Variants in MCF2 observed in about 807,000 individuals in gnomAD.
The protein encoded by MCF2 is MCF.2 cell line derived transforming sequence.
MCF2 carries 44 observed loss-of-function variants against 82.5 expected under a neutral mutation model. The ratio of observed to expected loss-of-function variants is 0.53; its 90% CI spans 0.42 to 0.69. The LOEUF (loss-of-function observed/expected upper bound fraction) is 0.69, where lower values mean the gene tolerates loss of function less well. MCF2 is among the 30% of genes least tolerant of loss of function. MCF2 has a pLI of 0.00. For synonymous variants in MCF2, 217 were observed against 224.9 expected (o/e 0.96, Z 0.32); for missense variants, 623 against 663.1 (o/e 0.94, Z 0.66).
chrX:139,633,029 G>A (rs906826416), intron 1 of MCF2, among the ~76,000 whole-genome samples: 1 of 111,811 alleles, frequency 8.9e-6, no homozygotes, highest in African/African-American at 3.3e-5. Flanking sequence ...CAACTGCAGA[G>A]TCCATTACTA....
intron 16 of MCF2, among the ~76,000 whole-genome samples, chrX:139,601,677 C>T: frequency 9.0e-6 from 1 of 111,059 alleles, no homozygotes; most frequent in African/African-American, 3.3e-5. Flanking sequence ...AGAGCCTATG[C>T]AATAGACAGG....
chrX:139,666,847 A>C (rs187367971), intron 1 of MCF2, among the ~76,000 whole-genome samples: 12 of 111,709 alleles, frequency 1.1e-4, no homozygotes, highest in African/African-American at 3.9e-4. Context: ...CTGATAATTC[A>C]TATGTTCAGT....
chrX:139,603,548 C>T (rs1352898240), intron 15 of MCF2, among the ~76,000 whole-genome samples: 1 of 112,402 alleles, frequency 8.9e-6, no homozygotes, highest in African/African-American at 3.2e-5. Flanking sequence ...AAAGTTAGAA[C>T]ATCTTAGCCG....
intron 1 of MCF2, chrX:139,691,835 C>G (rs1935274159): frequency 2.4e-6 from 2 of 829,591 alleles, no homozygotes; most frequent in South Asian, 2.3e-5. Context: ...AAAAGCCGGC[C>G]GGGCTGGGGA....
exon 24 of MCF2, chrX:139,585,075 C>T: frequency 8.5e-7 from 1 of 1,176,778 alleles, no homozygotes; most frequent in Non-Finnish European, 1.2e-6. Context: ...CCATGAGGGG[C>T]CTATTTTCTT....
chrX:139,659,099 C>A (rs1191172915), intron 1 of MCF2, among the ~76,000 whole-genome samples: 2 of 110,742 alleles, frequency 1.8e-5, no homozygotes, highest in South Asian at 3.8e-4. Flanking sequence ...ACTATCCTGG[C>A]CAACATGGTG....
At chrX:139,616,608 A>G (rs1294221232) in intron 8 of MCF2, 135 bp from the exon 12 acceptor site, 1 of 340,032 alleles carries the variant, frequency 2.9e-6, no homozygotes, top group East Asian at 4.4e-5. Flanking sequence ...AAAAAAAAAA[A>G]AGATATCTGG....
intron 6 of MCF2, among the ~76,000 whole-genome samples, chrX:139,623,398 T>C (rs779052818): frequency 3.6e-5 from 4 of 110,787 alleles, no homozygotes; most frequent in Non-Finnish European, 5.7e-5. Flanking sequence ...TATGCAGCCA[T>C]AAAAAAAACA....
intron 12 of MCF2, among the ~76,000 whole-genome samples, chrX:139,606,605 C>T (rs1052901179): frequency 5.4e-5 from 6 of 111,658 alleles, no homozygotes; most frequent in African/African-American, 1.3e-4. Flanking sequence ...GTGATCCGCC[C>T]GCCTGGGCCT....
At chrX:139,621,924 T>C (rs200464622) in intron 6 of MCF2, among the ~76,000 whole-genome samples, 5,137 of 110,137 alleles carry the variant, frequency 0.047, 193 homozygotes, top group African/African-American at 0.11. Context: ...AAAGAAACTA[T>C]CATCAGAGTG....
Position 139,618,028 on chromosome X carries a change from G to A in MCF2, c.808-324C>T, listed in dbSNP as rs374719386. ...TTTTCTCCTAATATGTGTGGATTTA[G>A]AATAGAACCACCTATATTAAATGAG... On this transcript the variant is annotated intron_variant, in intron 7 of 24. Transcript: ENST00000370576. Among the ~76,000 whole-genome samples the A allele has an allele frequency of 2.7e-5, 3 of 110,824 alleles. No individual in the cohort carries two copies. The East Asian group carries it at 8.5e-4, about 31-fold the overall frequency.
At chrX:139,668,583 C>G (rs1934593098) in intron 1 of MCF2, among the ~76,000 whole-genome samples, 1 of 111,534 alleles carries the variant, frequency 9.0e-6, no homozygotes, top group African/African-American at 3.3e-5. Flanking sequence ...CAATCCCGGC[C>G]AAGCAGGCTG....
In MCF2 at chrX:139,616,326, T is replaced by C. The variant is rs750522202; in HGVS notation, c.1147A>G (p.Thr383Ala). The C allele has an allele frequency of 3.9e-5, 45 of 1,166,843 alleles. No homozygotes were observed. In the Middle Eastern group the frequency reaches 7.3e-4, roughly 19 times the overall value. Residue 383 changes from threonine to alanine, a missense_variant, in exon 9 of 25, where the codon ACA (threonine) becomes GCA (alanine). By Grantham distance (58) the Thr-to-Ala change is moderately conservative. Coordinates refer to ENST00000370576, the Ensembl canonical transcript of MCF2. Reference sequence around the variant, plus strand: ...ATTACATCAAATTCATACTGCAGTGTTTCAGGTTCATAATTTATAAAGGGT... The same window carrying C: ...ATTACATCAAATTCATACTGCAGTGCTTCAGGTTCATAATTTATAAAGGGT...
At chrX:139,593,450 C>A (rs946987676) in intron 19 of MCF2, among the ~76,000 whole-genome samples, 6 of 110,834 alleles carry the variant, frequency 5.4e-5, no homozygotes, top group Non-Finnish European at 1.1e-4. Context: ...CGAATTCTAC[C>A]AGAGGTACAA....
At chrX:139,661,097 T>C (rs1404228596) in intron 1 of MCF2, among the ~76,000 whole-genome samples, 1 of 111,888 alleles carries the variant, frequency 8.9e-6, no homozygotes, top group Non-Finnish European at 1.9e-5. Flanking sequence ...ATGAGACATG[T>C]AAGCTGAGCC....
At chrX:139,702,397 G>A (rs1014053847) in intron 1 of MCF2, 2 of 111,629 alleles carry the variant, frequency 1.8e-5, no homozygotes, top group African/African-American at 3.3e-5. Flanking sequence ...GGATCTATTC[G>A]TGTCTTGTTC....
chrX:139,688,010 G>A (rs765534581), intron 1 of MCF2, among the ~76,000 whole-genome samples: 1 of 111,809 alleles, frequency 8.9e-6, no homozygotes, highest in African/African-American at 3.2e-5. Context: ...GGCAATGGAG[G>A]AGGGGGCATG....
intron 1 of MCF2, among the ~76,000 whole-genome samples, chrX:139,655,865 G>A (rs1222180272): frequency 9.0e-6 from 1 of 111,177 alleles, no homozygotes; most frequent in Non-Finnish European, 1.9e-5. Flanking sequence ...TCTTTCTCTT[G>A]CCTAGTTTCT....
intron 1 of MCF2, among the ~76,000 whole-genome samples, chrX:139,637,014 A>G (rs1933263555): frequency 8.9e-6 from 1 of 111,797 alleles, no homozygotes; most frequent in Non-Finnish European, 1.9e-5. Flanking sequence ...CTTGTCACAA[A>G]AAGCCCAGAA....
Sources: allele counts gnomAD v4.1 joint callset (sites outside exome capture counted in the v4.1 genomes callset), GRCh38; gene constraint gnomAD v4.1.1; transcripts MANE v1.5; gene names NCBI Gene and HGNC (gene_info 2026-07-23, HGNC 2026-07-21).